The following NBPF20 variants were observed in gnomAD, a reference collection of about 807,000 sequenced individuals.
NBPF20 encodes the protein NBPF family member NBPF20.
A neutral mutation model predicts 68.1 loss-of-function variants in NBPF20; 90 were observed. The ratio of observed to expected loss-of-function variants is 1.32; its 90% CI spans 1.11 to 1.58. NBPF20 has a LOEUF of 1.58. Ranked by LOEUF, NBPF20 falls within the 40% of genes most tolerant of loss-of-function variation. The pLI is 0.00. For synonymous variants in NBPF20, 290 were observed against 228.1 expected, an observed-to-expected ratio of 1.27 and a Z score of -2.45; for missense variants, 816 against 601.2, an observed-to-expected ratio of 1.36 and a Z score of -3.74.
intron 2 of NBPF20, among the ~76,000 whole-genome samples, 190 bp downstream of exon 7, chr1:145,404,908 T>C (rs1434395856): frequency 1.3e-5 from 2 of 151,586 alleles, no homozygotes; most frequent in Non-Finnish European, 2.9e-5. Context: ...CCCCATCTGA[T>C]TGCAAACATG....
chr1:145,290,651 C>A (rs61812474), exon 138 of NBPF20: 2 of 151,372 alleles, frequency 1.3e-5, no homozygotes, highest in East Asian at 1.9e-4. Flanking sequence ...CCCAAAATAT[C>A]TCTTCTCCTT....
chr1:145,416,100 G>C, the NBPF20 span, among the ~76,000 whole-genome samples: 1 of 151,238 alleles, frequency 6.6e-6, no homozygotes. Context: ...CGTTGCATTT[G>C]AGCCCAAGGA....
At chr1:145,419,525 C>T in the NBPF20 span, among the ~76,000 whole-genome samples, 1 of 152,146 alleles carries the variant, frequency 6.6e-6, no homozygotes, top group South Asian at 2.1e-4. Flanking sequence ...GAACACCAGG[C>T]CGCAACCTTT....
intron 129 of NBPF20, among the ~76,000 whole-genome samples, 197 bp from the exon 135 acceptor site, chr1:145,298,331 G>GACACAC (rs1347470195): frequency 2.9e-5 from 4 of 136,732 alleles, no homozygotes; most frequent in African/African-American, 1.0e-4. Context: ...AAGACAGATA[G>GACACAC]ACACACACAC....
chr1:145,406,208 A>C (rs1662778823), upstream of NBPF20, among the ~76,000 whole-genome samples: 1 of 149,496 alleles, frequency 6.7e-6, no homozygotes, highest in Non-Finnish European at 1.5e-5. Flanking sequence ...TACTGGGATT[A>C]CAGGCGTGAG....
At chr1:145,419,633 C>T in the NBPF20 span, among the ~76,000 whole-genome samples, 4 of 152,010 alleles carry the variant, frequency 2.6e-5, no homozygotes, top group South Asian at 8.3e-4. Flanking sequence ...CACTGGACTT[C>T]CCTCCTCGCA....
Position 145,296,323 on chromosome 1 carries a change from T to C in NBPF20, c.16138+15A>G. On this transcript the variant is annotated intron_variant, in intron 132 of 137. Transcript: ENST00000369373. Reference sequence around the variant, plus strand: ...ACTCAGTGGATCCTTATCACCTTCATAGAAAGGTACTCACCATCCATGTCA... The same window carrying C: ...ACTCAGTGGATCCTTATCACCTTCACAGAAAGGTACTCACCATCCATGTCA... 4.7e-5 allele frequency: 1 copy of C among 21,244 alleles called. No individual in the cohort carries two copies. Among genetic ancestry groups the C allele is most frequent in the South Asian group, 3.3e-4 (1 of 3,060 alleles). The allele number at this position is 21,244 out of a possible 1,614,324, so 1.3% of individuals were successfully genotyped here. A position where few individuals can be genotyped will look rare whatever the true frequency, so the allele number is the denominator to read the frequency against.
intron 137 of NBPF20, 66 bp from the exon 143 acceptor site, chr1:145,291,835 T>A (rs1392859429): frequency 1.9e-6 from 3 of 1,611,078 alleles, no homozygotes; most frequent in Admixed American, 1.7e-5. Flanking sequence ...CCCCACTAGA[T>A]TTCAGAAGTC....
At chr1:145,402,484 A>C in intron 3 of NBPF20, 103 bp from the exon 9 acceptor site, 2 of 1,239,580 alleles carry the variant, frequency 1.6e-6, no homozygotes, top group East Asian at 2.3e-5. Flanking sequence ...GGAGACCTCG[A>C]AGCAGAAGGT....
At chr1:145,421,380 GTTTA>G in the NBPF20 span, among the ~76,000 whole-genome samples, 2 of 152,102 alleles carry the variant, frequency 1.3e-5, no homozygotes, top group Admixed American at 1.3e-4. Flanking sequence ...ACATACAAAG[GTTTA>G]TTTTTCATTG....
At chr1:145,397,485 A>G (rs1662309148) in intron 7 of NBPF20, among the ~76,000 whole-genome samples, 1 of 152,234 alleles carries the variant, frequency 6.6e-6, no homozygotes, top group Non-Finnish European at 1.5e-5. Context: ...CAGCCAAACA[A>G]AGCTTCATAA....
intron 2 of NBPF20, 97 bp downstream of exon 7, chr1:145,405,001 A>C: frequency 7.8e-6 from 6 of 770,074 alleles, no homozygotes; most frequent in South Asian, 5.4e-5. Context: ...TACAAGTACA[A>C]GAAGGATGAA....
chr1:145,395,029 T>A, exon 8 of NBPF20: 1 of 1,611,672 alleles, frequency 6.2e-7, no homozygotes, highest in Non-Finnish European at 8.5e-7. Context: ...GAGTGAAATG[T>A]GCTGCTGTAA....
At chr1:145,393,816 G>C (rs1193555480) in intron 9 of NBPF20, 68 bp downstream of exon 14, 3 of 1,243,832 alleles carry the variant, frequency 2.4e-6, no homozygotes, top group East Asian at 2.3e-5. Flanking sequence ...AGCATGTACT[G>C]TTTTCCCTGG....
At chr1:145,418,955 G>C in the NBPF20 span, among the ~76,000 whole-genome samples, 1 of 123,950 alleles carries the variant, frequency 8.1e-6, no homozygotes, top group Non-Finnish European at 1.7e-5. Flanking sequence ...TTTCAGTGCA[G>C]TGTGGTCTAT....
Position 145,292,353 on chromosome 1 carries a change from T to A in NBPF20, c.16697+28A>T, listed in dbSNP as rs781827160. The A allele has an allele frequency of 5.9e-5, 38 of 644,026 alleles. 1 individual carries two copies. In the South Asian group the frequency reaches 6.2e-4, roughly 10 times the overall value. The allele number at this position is 644,026 out of a possible 1,614,324, so 39.9% of individuals were successfully genotyped here. A position where few individuals can be genotyped will look rare whatever the true frequency, so the allele number is the denominator to read the frequency against. On this transcript the variant is annotated intron_variant, in intron 137 of 137. Transcript: ENST00000369373. ...GTTGCCTCCAGGTGTTAACACAGAATTAAGCATCCACAATTGCTGAAAGTC... is the reference window on the plus strand; with the variant it reads ...GTTGCCTCCAGGTGTTAACACAGAAATAAGCATCCACAATTGCTGAAAGTC...
At chr1:145,403,070 G>C in intron 3 of NBPF20, 146 bp downstream of exon 8, 1 of 904,850 alleles carries the variant, frequency 1.1e-6, no homozygotes, top group Non-Finnish European at 1.8e-6. Context: ...TTCTCTGTTT[G>C]ATAAATATTT....
chr1:145,291,522 C>A (rs782514570), exon 138 of NBPF20: 3 of 1,611,994 alleles, frequency 1.9e-6, no homozygotes, highest in South Asian at 2.2e-5. Context: ...TTAGTAAGGG[C>A]TGTTTATTGT....
upstream of NBPF20, among the ~76,000 whole-genome samples, chr1:145,408,785 T>C (rs1662903472): frequency 6.6e-6 from 1 of 152,084 alleles, no homozygotes; most frequent in Admixed American, 6.6e-5. Flanking sequence ...AGGGGCCTCG[T>C]ACCTGCTTCA....
Sources: gnomAD v4.1 joint callset for allele counts (sites outside exome capture counted in the v4.1 genomes callset) on GRCh38, gnomAD v4.1.1 for gene constraint, MANE v1.5 for transcripts, NCBI Gene and HGNC (gene_info 2026-07-23, HGNC 2026-07-21) for gene names.